The following SPOCK1 variants were observed in gnomAD, a reference collection of about 807,000 sequenced individuals.
SPOCK1 encodes testican-1.
SPOCK1 carries 23 observed loss-of-function variants against 55.3 expected under a neutral mutation model. That is an observed-to-expected ratio of 0.42 (90% confidence interval 0.30 to 0.59). SPOCK1 has a LOEUF of 0.59. Ranked by LOEUF, SPOCK1 falls within the 20% of genes least tolerant of loss-of-function variation. SPOCK1 has a pLI of 0.22. For missense variants in SPOCK1, 499 were observed against 552.5 expected (o/e 0.90, Z 0.97); for synonymous variants, 226 against 221.0 (o/e 1.02, Z -0.20).
chr5:137,235,074 CT>C (rs1756151082), intron 3 of SPOCK1, among the ~76,000 whole-genome samples: 1 of 152,212 alleles, frequency 6.6e-6, no homozygotes, highest in South Asian at 2.1e-4. Context: ...AGGCAGTGAC[CT>C]GGGGACCAGA....
chr5:137,360,418 G>A (rs925994594), intron 2 of SPOCK1, among the ~76,000 whole-genome samples: 3 of 152,168 alleles, frequency 2.0e-5, no homozygotes, highest in Non-Finnish European at 4.4e-5. Context: ...ACAGGATCCG[G>A]GATCTCACAA....
chr5:137,489,774 G>A (rs1754135817), intron 2 of SPOCK1, among the ~76,000 whole-genome samples: 1 of 152,172 alleles, frequency 6.6e-6, no homozygotes, highest in African/African-American at 2.4e-5. Context: ...ACATCTGATG[G>A]AAACACATCA....
At chr5:137,017,596 G>C (rs1384719482) in intron 6 of SPOCK1, among the ~76,000 whole-genome samples, 2 of 152,006 alleles carry the variant, frequency 1.3e-5, no homozygotes. Flanking sequence ...TGTCTTAAAG[G>C]ACATCATAAT....
At chr5:137,106,757 C>A (rs544342654) in intron 5 of SPOCK1, among the ~76,000 whole-genome samples, 8 of 152,268 alleles carry the variant, frequency 5.3e-5, no homozygotes, top group Admixed American at 1.3e-4. Flanking sequence ...AAAATATAAA[C>A]CTTTGGTAGG....
At chr5:137,341,350 T>C (rs1276814173) in intron 2 of SPOCK1, among the ~76,000 whole-genome samples, 1 of 152,362 alleles carries the variant, frequency 6.6e-6, no homozygotes, top group East Asian at 1.9e-4. Context: ...GACTTTACTC[T>C]TCATAAGTGT....
At chr5:137,038,978 T>G (rs1751937651) in intron 6 of SPOCK1, among the ~76,000 whole-genome samples, 1 of 152,010 alleles carries the variant, frequency 6.6e-6, no homozygotes. Context: ...TGACAGAGGG[T>G]GGAAAGAATG....
In SPOCK1 at chr5:137,060,739, G is replaced by A. The variant is rs192131555; in HGVS notation, c.589+6976C>T. Among the ~76,000 whole-genome samples the A allele has an allele frequency of 1.5e-3, 225 of 152,026 alleles. 2 individuals carry two copies. The highest frequency in any genetic ancestry group is 5.1e-3 in the African/African-American group (210 of 41,426). On this transcript the variant is annotated intron_variant, in intron 6 of 10. Coordinates refer to ENST00000394945, the MANE Select transcript of SPOCK1 (RefSeq NM_004598.4). ...ATCCCGTTCACTGAACTCTGGTTCC[G>A]ACCGCAGCTACCCTTTGCCTCAGCT...
At chr5:137,312,945 C>G (rs1182267386) in intron 2 of SPOCK1, among the ~76,000 whole-genome samples, 1 of 119,644 alleles carries the variant, frequency 8.4e-6, no homozygotes, top group African/African-American at 3.2e-5. Flanking sequence ...ACCATCAGGC[C>G]ACAGTCAACC....
chr5:137,164,428 A>G (rs188382286), intron 3 of SPOCK1, among the ~76,000 whole-genome samples: 1 of 152,266 alleles, frequency 6.6e-6, no homozygotes, highest in East Asian at 1.9e-4. Flanking sequence ...TGGATCCTGA[A>G]TCACCAGCAG....
chr5:137,313,339 G>A, intron 2 of SPOCK1: 1 of 850,298 alleles, frequency 1.2e-6, no homozygotes, highest in Non-Finnish European at 1.4e-6. Context: ...ATGAGGTATG[G>A]GCACACAGAA....
At chr5:137,059,068 G>A (rs1283931731) in intron 6 of SPOCK1, among the ~76,000 whole-genome samples, 2 of 152,130 alleles carry the variant, frequency 1.3e-5, no homozygotes, top group Non-Finnish European at 2.9e-5. Flanking sequence ...ACTACCATGT[G>A]CAAAAAAAAG....
At chr5:137,196,754 T>C (rs1409834766) in intron 3 of SPOCK1, among the ~76,000 whole-genome samples, 1 of 152,236 alleles carries the variant, frequency 6.6e-6, no homozygotes, top group Admixed American at 6.5e-5. Flanking sequence ...TTGGTTAATG[T>C]TTCCCACTGA....
At chr5:137,144,269 C>T (rs1169807494) in intron 3 of SPOCK1, among the ~76,000 whole-genome samples, 1 of 152,112 alleles carries the variant, frequency 6.6e-6, no homozygotes, top group African/African-American at 2.4e-5. Context: ...CATCTGTCAC[C>T]CTACCTTAGG....
At chr5:137,194,122 C>G (rs73304855) in intron 3 of SPOCK1, among the ~76,000 whole-genome samples, 9,563 of 152,212 alleles carry the variant, frequency 0.063, 637 homozygotes, top group African/African-American at 0.15. Context: ...AATGGCGAAG[C>G]ATTTAATTGC....
Position 137,053,088 on chromosome 5 carries a change from T to G in SPOCK1, c.589+14627A>C, listed in dbSNP as rs189839558. Among the ~76,000 whole-genome samples the G allele has an allele frequency of 8.5e-5, 13 of 152,268 alleles. No homozygotes were observed. The East Asian group carries it at 2.3e-3, about 27-fold the overall frequency. ...ATGAGGAACACATGATTTATAACCA[T>G]AGGTCAAATATTCCCTCTCCAGGAC... On this transcript the variant is annotated intron_variant, in intron 6 of 10. Coordinates refer to ENST00000394945, the MANE Select transcript of SPOCK1 (RefSeq NM_004598.4).
chr5:137,356,820 TATATATATATATATATATAGAGAG>T (rs1236916150), intron 2 of SPOCK1, among the ~76,000 whole-genome samples: 3 of 23,806 alleles, frequency 1.3e-4, no homozygotes, highest in African/African-American at 5.8e-4. Flanking sequence ...TATATATATA[TATATATATATATATATATAGAGAG>T]AGAGAGAGAG....
intron 5 of SPOCK1, among the ~76,000 whole-genome samples, chr5:137,107,345 T>C (rs1241773210): frequency 2.0e-5 from 3 of 152,178 alleles, no homozygotes; most frequent in African/African-American, 7.2e-5. Context: ...GCCATAAAAA[T>C]GCAGTATCAA....
At chr5:137,110,015 G>A (rs1317446861) in intron 5 of SPOCK1, among the ~76,000 whole-genome samples, 1 of 152,176 alleles carries the variant, frequency 6.6e-6, no homozygotes, top group Admixed American at 6.5e-5. Context: ...GTTTTGCACA[G>A]TGCATACAAC....
rs1750595731 is a variant in SPOCK1 at position 136,975,516 on chromosome 5, A to G, written c.*3138T>C. The G allele has an allele frequency of 6.6e-6, 1 of 152,640 alleles. No homozygotes were observed. The highest frequency in any genetic ancestry group is 6.5e-5 in the Admixed American group (1 of 15,292). 9.5% of individuals were successfully genotyped at this position (152,640 alleles called of 1,614,324 possible). ...TTTGATGGGCTCTCATTACAATGCT[A>G]TACATTTAACAGGAACAAACATCAG... On this transcript the variant is annotated 3_prime_UTR_variant, in exon 11 of 11. Transcript: ENST00000394945.
Sources: allele counts gnomAD v4.1 joint callset (sites outside exome capture counted in the v4.1 genomes callset), GRCh38; gene constraint gnomAD v4.1.1; transcripts MANE v1.5; gene names NCBI Gene and HGNC (gene_info 2026-07-23, HGNC 2026-07-21).